The following MFSD2A variants were observed in gnomAD, a reference collection of about 807,000 sequenced individuals.
MFSD2A encodes MFSD2 lysolipid transporter A, lysophospholipid.
A neutral mutation model predicts 64.7 loss-of-function variants in MFSD2A; 27 were observed. That is an observed-to-expected ratio of 0.42 (90% CI 0.31 to 0.58). MFSD2A has a LOEUF of 0.58. Ranked by LOEUF, MFSD2A falls within the 20% of genes least tolerant of loss-of-function variation. The probability of loss-of-function intolerance (pLI) is 0.18; values close to 1 mark genes in which losing one functional copy is unlikely to be tolerated. For missense variants in MFSD2A, 474 were observed against 679.5 expected (o/e 0.70, Z 3.36); for synonymous variants, 258 against 273.4 (o/e 0.94, Z 0.55).
intron 3 of MFSD2A, among the ~76,000 whole-genome samples, chr1:39,961,943 T>C (rs958314754): frequency 3.3e-5 from 5 of 152,244 alleles, no homozygotes; most frequent in African/African-American, 7.2e-5. Flanking sequence ...AGCCCAGGGC[T>C]TTCTACAGCT....
Position 39,955,471 on chromosome 1 carries a change from C to A in MFSD2A, c.93+86C>A. The A allele has an allele frequency of 7.3e-7, 1 of 1,364,312 alleles. No individual in the cohort carries two copies. Among genetic ancestry groups the A allele is most frequent in the South Asian group, 1.3e-5 (1 of 79,702 alleles). 84.5% of individuals were successfully genotyped at this position (1,364,312 alleles called of 1,614,324 possible). On this transcript the variant is annotated intron_variant, in intron 1 of 13. Coordinates refer to ENST00000372811, the MANE Select transcript of MFSD2A (RefSeq NM_032793.5). The surrounding 1 kb of genome is among the most constrained non-coding windows in gnomAD (Gnocchi z 5.9). ...AGGGGCGTCCCGGGGTCGGCCTGGT[C>A]AGGGGACCATTGGGATAGCCAGGGA...
At position 39,969,859 on chromosome 1, in the gene MFSD2A, C is replaced by G; in HGVS notation, c.*291C>G. 4.3e-6 allele frequency: 2 copies of G among 461,166 alleles called. No homozygotes were observed. The allele number at this position is 461,166 out of a possible 1,614,324, so 28.6% of individuals were successfully genotyped here. A position where few individuals can be genotyped will look rare whatever the true frequency, so the allele number is the denominator to read the frequency against. ...GTAGAAACCTTTTTTTTTACAGAGC[C>G]TAATTAATAACTTAATGACTGTGTA... On this transcript the variant is annotated 3_prime_UTR_variant, in exon 14 of 14. Coordinates refer to ENST00000372811, the MANE Select transcript of MFSD2A (RefSeq NM_032793.5).
chr1:39,961,688 CAT>C (rs1645048169), intron 3 of MFSD2A, among the ~76,000 whole-genome samples: 1 of 151,130 alleles, frequency 6.6e-6, no homozygotes, highest in African/African-American at 2.4e-5. Flanking sequence ...CAAAAAAACA[CAT>C]ATATAGAGAT....
Position 39,969,392 on chromosome 1 carries a change from G to A in MFSD2A, c.1530-113G>A, listed in dbSNP as rs117942142. The A allele has an allele frequency of 8.2e-5, 68 of 827,418 alleles. 2 individuals carry two copies. The East Asian group carries it at 1.9e-3, about 23-fold the overall frequency. The allele number at this position is 827,418 out of a possible 1,614,324, so 51.3% of individuals were successfully genotyped here. A position where few individuals can be genotyped will look rare whatever the true frequency, so the allele number is the denominator to read the frequency against. ...GGAGTGAGCAAACTCTGTGTCCCGC[G>A]GTTCACTTTAGTCCGACAGCAGGGC... On this transcript the variant is annotated intron_variant, in intron 13 of 13. Coordinates refer to ENST00000372811, the MANE Select transcript of MFSD2A (RefSeq NM_032793.5).
chr1:39,969,556 T>G lies in MFSD2A; in HGVS notation c.1581T>G (p.Ala527=). ...CAGAAACAGACTCCACAGAGCTGGC[T>G]AGCATCCTCTAGGGCCCGCCACGTT... ...GCSETDSTEL[A]SIL is the part of the protein sequence containing the mutation. Residue 527 remains alanine, a synonymous_variant, in exon 14 of 14, where the codon GCT becomes GCG. Transcript: ENST00000372811. 1 of 1,607,938 alleles carries G rather than the reference T, an allele frequency of 6.2e-7. No homozygotes were observed. Among genetic ancestry groups the G allele is most frequent in the South Asian group, 1.1e-5 (1 of 90,336 alleles).
At position 39,955,433 on chromosome 1, in the gene MFSD2A, G is replaced by GTATCATTAAA; in HGVS notation, c.93+48_93+49insTATCATTAAA. 6.7e-7 allele frequency: 1 copy of GTATCATTAAA among 1,497,174 alleles called. No individual in the cohort carries two copies. The highest frequency in any genetic ancestry group is 2.3e-5 in the Admixed American group (1 of 43,818). 92.7% of individuals were successfully genotyped at this position (1,497,174 alleles called of 1,614,324 possible). A position where few individuals can be genotyped will look rare whatever the true frequency, so the allele number is the denominator to read the frequency against. On this transcript the variant is annotated intron_variant, in intron 1 of 13. Transcript: ENST00000372811. This position sits in a 1 kb window ranked among gnomAD's most constrained non-coding sequence, Gnocchi z 5.9. Reference sequence around the variant, plus strand: ...GGAGGGCGAGGGGAGGGAGGAGGCGGAAATGGGGGATCAGGGGCGTCCCGG... The same window carrying GTATCATTAAA: ...GGAGGGCGAGGGGAGGGAGGAGGCGGTATCATTAAAAAATGGGGGATCAGGGGCGTCCCGG...
In MFSD2A at chr1:39,965,048, T is replaced by G; in HGVS notation, c.354-163T>G. ...GCCATTCCGGGCTTGGTCATCAGCC[T>G]CTTCCCAGAGGCCCAGGATGGGTGG... is the stretch of plus-strand genomic sequence containing the variant. On this transcript the variant is annotated intron_variant, in intron 3 of 13. Transcript: ENST00000372811. The surrounding 1 kb of genome is among the most constrained non-coding windows in gnomAD (Gnocchi z 5.5). The G allele has an allele frequency of 2.1e-6, 2 of 955,698 alleles. No individual in the cohort carries two copies. Among genetic ancestry groups the G allele is most frequent in the Non-Finnish European group, 3.0e-6 (2 of 658,138 alleles). The allele number at this position is 955,698 out of a possible 1,614,324, so 59.2% of individuals were successfully genotyped here.
In MFSD2A at chr1:39,960,124, A is replaced by C. The variant is rs747005041; in HGVS notation, c.353+1299A>C. On this transcript the variant is annotated intron_variant, in intron 3 of 13. Transcript: ENST00000372811. This position sits in a 1 kb window ranked among gnomAD's most constrained non-coding sequence, Gnocchi z 4.8. Reference sequence around the variant, plus strand: ...CTGTGCTACTCAGCTTCAGGGGCAAAGTAGGCGGAGGTGGTGCCACGGATC... The same window carrying C: ...CTGTGCTACTCAGCTTCAGGGGCAACGTAGGCGGAGGTGGTGCCACGGATC... Among the ~76,000 whole-genome samples, 77 of 152,360 alleles carry C rather than the reference A, an allele frequency of 5.1e-4. No individual in the cohort carries two copies. The highest frequency in any genetic ancestry group is 8.8e-4 in the Non-Finnish European group (60 of 68,030).
rs550374050 is a variant in MFSD2A, at chr1:39,969,390, G to A, written c.1530-115G>A. The A allele has an allele frequency of 1.2e-4, 100 of 809,916 alleles. 2 individuals are homozygous for A. In the South Asian group the frequency reaches 1.6e-3, roughly 13 times the overall value. 50.2% of individuals were successfully genotyped at this position (809,916 alleles called of 1,614,324 possible). ...TGGGAGTGAGCAAACTCTGTGTCCCGCGGTTCACTTTAGTCCGACAGCAGG... is the reference window on the plus strand; with the variant it reads ...TGGGAGTGAGCAAACTCTGTGTCCCACGGTTCACTTTAGTCCGACAGCAGG... On this transcript the variant is annotated intron_variant, in intron 13 of 13. Coordinates refer to ENST00000372811, the MANE Select transcript of MFSD2A (RefSeq NM_032793.5).
rs1471023785 is a variant in MFSD2A, at chr1:39,969,701, A to C, written c.*133A>C. ...AAGACTCAAGGAGGTGGCCCAGGACACTTGCTGTGCTCACTGTGGGGCCGG... is the reference window on the plus strand; with the variant it reads ...AAGACTCAAGGAGGTGGCCCAGGACCCTTGCTGTGCTCACTGTGGGGCCGG... On this transcript the variant is annotated 3_prime_UTR_variant, in exon 14 of 14. Coordinates refer to ENST00000372811, the MANE Select transcript of MFSD2A (RefSeq NM_032793.5). 7.0e-6 allele frequency: 6 copies of C among 860,456 alleles called. No homozygotes were observed. In the Admixed American group the frequency reaches 1.7e-4, roughly 25 times the overall value. The allele number at this position is 860,456 out of a possible 1,614,324, so 53.3% of individuals were successfully genotyped here. A position where few individuals can be genotyped will look rare whatever the true frequency, so the allele number is the denominator to read the frequency against.
In MFSD2A at chr1:39,968,553, C is replaced by A. The variant is rs1645212335; in HGVS notation, c.1353-16C>A. 2 of 1,613,984 alleles carry A rather than the reference C, an allele frequency of 1.2e-6. No homozygotes were observed. The highest frequency in any genetic ancestry group is 1.7e-6 in the Non-Finnish European group (2 of 1,179,874). The stretch of plus-strand genomic sequence containing the variant: ...TGCCCCATCTTCACCGTTCTCCTAC[C>A]CCCTGGGTCCCATAGCTTTGCAGGG... On this transcript the variant is annotated splice_polypyrimidine_tract_variant and intron_variant, in intron 12 of 13. Coordinates refer to ENST00000372811, the MANE Select transcript of MFSD2A (RefSeq NM_032793.5). This position sits in a 1 kb window ranked among gnomAD's most constrained non-coding sequence, Gnocchi z 4.4.
intron 1 of MFSD2A, among the ~76,000 whole-genome samples, chr1:39,956,808 T>C (rs934072847): frequency 1.4e-5 from 2 of 148,122 alleles, no homozygotes; most frequent in African/African-American, 2.5e-5. Flanking sequence ...CCCAGCTACT[T>C]GGGAGGCTGA....
In MFSD2A at chr1:39,966,624, G is replaced by C; in HGVS notation, c.738G>C (p.Ala246=). The change falls in exon 7 of 14, where the codon GCG becomes GCC. Residue 246 remains alanine, a synonymous_variant. Coordinates refer to ENST00000372811, the MANE Select transcript of MFSD2A (RefSeq NM_032793.5). ...RETQKAYLLA[A]GVIVCIYIIC... ...AGCAAAAGGCATACCTGCTGGCAGC[G>C]GGGGTCATTGTCTGTATCTATATAA... is the stretch of plus-strand genomic sequence containing the variant. 6.2e-7 allele frequency: 1 copy of C among 1,613,586 alleles called. No individual in the cohort carries two copies. The highest frequency in any genetic ancestry group is 8.5e-7 in the Non-Finnish European group (1 of 1,179,756).
chr1:39,962,780 G>T, intron 3 of MFSD2A: 2 of 1,043,216 alleles, frequency 1.9e-6, no homozygotes, highest in South Asian at 2.6e-5. Flanking sequence ...TCAAGTCCCT[G>T]CAGGAGATCT....
At chr1:39,967,414 G>A in intron 9 of MFSD2A, 1 of 626,620 alleles carries the variant, frequency 1.6e-6, no homozygotes, top group Non-Finnish European at 2.8e-6. Flanking sequence ...ACTTGGCTCA[G>A]AGGTTTGAGA....
Position 39,967,608 on chromosome 1 carries a change from C to A in MFSD2A, c.1012-20C>A, listed in dbSNP as rs772792152. 3 of 1,612,198 alleles carry A rather than the reference C, an allele frequency of 1.9e-6. No homozygotes were observed. The South Asian group carries it at 3.3e-5, about 18-fold the overall frequency. On this transcript the variant is annotated intron_variant, in intron 9 of 13. Coordinates refer to ENST00000372811, the MANE Select transcript of MFSD2A (RefSeq NM_032793.5). ...GTGGCTCTAAAGCACCTCCCTTTAACCCCCTTTGTCCATCCACAGCTCTCG... is the reference window on the plus strand; with the variant it reads ...GTGGCTCTAAAGCACCTCCCTTTAAACCCCTTTGTCCATCCACAGCTCTCG...
In MFSD2A at chr1:39,955,789, C is replaced by G. The variant is rs140740533; in HGVS notation, c.93+404C>G. On this transcript the variant is annotated intron_variant, in intron 1 of 13. Transcript: ENST00000372811. This position sits in a 1 kb window ranked among gnomAD's most constrained non-coding sequence, Gnocchi z 5.9. ...CTCCCACTCCACCCACCTACTCTTG[C>G]GCCTCAACTCTGCTGTTAGGGCCGC... 7.8e-5 allele frequency: 31 copies of G among 395,036 alleles called. 1 individual carries two copies. Among genetic ancestry groups the G allele is most frequent in the African/African-American group, 5.4e-4 (26 of 47,772 alleles). The allele number at this position is 395,036 out of a possible 1,614,324, so 24.5% of individuals were successfully genotyped here.
rs1233659893 is a variant in MFSD2A, at chr1:39,960,881, G to C, written c.353+2056G>C. On this transcript the variant is annotated intron_variant, in intron 3 of 13. Coordinates refer to ENST00000372811, the MANE Select transcript of MFSD2A (RefSeq NM_032793.5). This position sits in a 1 kb window ranked among gnomAD's most constrained non-coding sequence, Gnocchi z 4.8. The stretch of plus-strand genomic sequence containing the variant: ...CTGGTTTCTGATCTAGCAGGTGCCT[G>C]TGTGCACATGCTTCTGTGGCTGGTG... Among the ~76,000 whole-genome samples, 1 of 152,206 alleles carries C rather than the reference G, an allele frequency of 6.6e-6. No individual in the cohort carries two copies. Among genetic ancestry groups the C allele is most frequent in the Admixed American group, 6.5e-5 (1 of 15,286 alleles).
At chr1:39,967,039 A>G in intron 8 of MFSD2A, 47 bp from the exon 9 acceptor site, 1 of 1,611,006 alleles carries the variant, frequency 6.2e-7, no homozygotes, top group Non-Finnish European at 8.5e-7. Flanking sequence ...CAGCCCCAAC[A>G]TCACCTCCTT....
Sources: gnomAD v4.1 joint callset for allele counts (sites outside exome capture counted in the v4.1 genomes callset) on GRCh38, gnomAD v4.1.1 for gene constraint, Gnocchi (gnomAD v3.1) non-coding constraint, MANE v1.5 for transcripts, NCBI Gene and HGNC (gene_info 2026-07-23, HGNC 2026-07-21) for gene names.